EPB41: variants seen among roughly 807,000 people sequenced by gnomAD.
The protein encoded by EPB41 is erythrocyte membrane protein band 4.1.
A neutral mutation model predicts 108.0 loss-of-function variants in EPB41; 65 were observed. That is an observed-to-expected ratio of 0.60 (90% CI 0.49 to 0.74). The LOEUF is 0.74. EPB41 is among the 30% of genes least tolerant of loss of function. The pLI, the probability that EPB41 is intolerant of heterozygous loss-of-function variation, is 0.00. For missense variants in EPB41, 875 were observed against 1,037.0 expected (o/e 0.84, Z 2.15); for synonymous variants, 336 against 358.9 (o/e 0.94, Z 0.72).
chr1:29,053,081 T>C, intron 11 of EPB41, 23 bp from the exon 12 acceptor site: 1 of 1,612,594 alleles, frequency 6.2e-7, no homozygotes, highest in Non-Finnish European at 8.5e-7. Context: ...TACTTATGCT[T>C]CCCTTTTCCC....
chr1:29,116,331 T>A (rs1670947179), intron 20 of EPB41, among the ~76,000 whole-genome samples: 1 of 152,020 alleles, frequency 6.6e-6, no homozygotes, highest in South Asian at 2.1e-4. Context: ...GTATTTTTAG[T>A]AGAGACGGGG....
At chr1:28,949,317 A>G (rs1284749819) in intron 1 of EPB41, among the ~76,000 whole-genome samples, 1 of 152,036 alleles carries the variant, frequency 6.6e-6, no homozygotes, top group African/African-American at 2.4e-5. Context: ...TGTGGTGTGC[A>G]CCTGTAGTTC....
At chr1:28,893,064 A>C (rs1189406493) in intron 1 of EPB41, among the ~76,000 whole-genome samples, 1 of 152,024 alleles carries the variant, frequency 6.6e-6, no homozygotes, top group Non-Finnish European at 1.5e-5. Context: ...GGCCTCCCAA[A>C]GTGCTGGGAT....
intron 7 of EPB41, among the ~76,000 whole-genome samples, chr1:29,019,816 G>C (rs943542732): frequency 2.4e-4 from 36 of 152,120 alleles, no homozygotes; most frequent in Admixed American, 3.3e-4. Context: ...TGCCCCTGTA[G>C]GTTCAGGTAC....
intron 4 of EPB41, among the ~76,000 whole-genome samples, chr1:29,009,141 T>C (rs1259683775): frequency 6.9e-6 from 1 of 144,880 alleles, no homozygotes; most frequent in African/African-American, 2.6e-5. Flanking sequence ...TTTTTAATCC[T>C]TCTTTTTTTT....
chr1:29,022,388 A>AAG (rs953808173), intron 7 of EPB41, among the ~76,000 whole-genome samples: 1 of 151,414 alleles, frequency 6.6e-6, no homozygotes, highest in African/African-American at 2.4e-5. Context: ...AAAAAAAAAA[A>AAG]AAAGAAACTG....
chr1:28,931,786 G>A (rs955820770), intron 1 of EPB41, among the ~76,000 whole-genome samples: 4 of 151,644 alleles, frequency 2.6e-5, no homozygotes, highest in Admixed American at 1.3e-4. Flanking sequence ...CACTCGCCTC[G>A]GCCTCCCAAA....
At chr1:29,103,906 A>G (rs1372470658) in intron 17 of EPB41, among the ~76,000 whole-genome samples, 2 of 152,116 alleles carry the variant, frequency 1.3e-5, no homozygotes, top group African/African-American at 4.8e-5. Flanking sequence ...ATCTCAGGTG[A>G]TCTGCCCGCC....
chr1:29,059,842 T>C (rs1214471817), intron 14 of EPB41, among the ~76,000 whole-genome samples: 2 of 152,216 alleles, frequency 1.3e-5, no homozygotes, highest in African/African-American at 4.8e-5. Context: ...CTGTGCCTCA[T>C]TCTTTTCATC....
chr1:28,955,794 A>G (rs1041379799), intron 1 of EPB41, among the ~76,000 whole-genome samples: 1 of 152,176 alleles, frequency 6.6e-6, no homozygotes, highest in African/African-American at 2.4e-5. Context: ...AAGGGAATGG[A>G]GAATAGGATC....
chr1:29,106,890 A>G (rs1222108326), intron 17 of EPB41, among the ~76,000 whole-genome samples: 2 of 148,946 alleles, frequency 1.3e-5, no homozygotes, highest in Non-Finnish European at 3.0e-5. Flanking sequence ...GCTTTTATAA[A>G]TGAGAAAACT....
intron 4 of EPB41, among the ~76,000 whole-genome samples, chr1:29,011,642 C>T (rs1469485839): frequency 6.6e-6 from 1 of 152,204 alleles, no homozygotes; most frequent in Non-Finnish European, 1.5e-5. Flanking sequence ...TTCCTAAAGT[C>T]ACTCAGCCAG....
At chr1:28,951,803 GTGATTGTGCCATTGTACTGCAGCC>G (rs1200317810) in intron 1 of EPB41, among the ~76,000 whole-genome samples, 2 of 152,106 alleles carry the variant, frequency 1.3e-5, no homozygotes, top group Non-Finnish European at 2.9e-5. Context: ...GCAGTGAGCT[GTGATTGTGCCATTGTACTGCAGCC>G]TGATTGTGCC....
In EPB41 at chr1:28,970,951, G is replaced by C. The variant is rs931784404; in HGVS notation, c.-7-16480G>C. Among the ~76,000 whole-genome samples, 80 of 151,926 alleles carry C rather than the reference G, an allele frequency of 5.3e-4. 2 individuals carry two copies. On this transcript the variant is annotated intron_variant, in intron 1 of 20. Coordinates refer to ENST00000343067, the MANE Select transcript of EPB41 (RefSeq NM_001376013.1). ...CAGCCTCCACCTCCCAGGTTCAGAC[G>C]ATTCTCCTGTCTCAGCCTCCTGAGT...
At chr1:29,035,075 A>G (rs1638948352) in intron 9 of EPB41, among the ~76,000 whole-genome samples, 1 of 144,132 alleles carries the variant, frequency 6.9e-6, no homozygotes, top group African/African-American at 2.6e-5. Flanking sequence ...TCTACCTCTC[A>G]GGTTCAAGTG....
At chr1:28,969,492 G>A (rs190115239) in intron 1 of EPB41, among the ~76,000 whole-genome samples, 58 of 152,172 alleles carry the variant, frequency 3.8e-4, no homozygotes, top group South Asian at 8.3e-4. Flanking sequence ...TTAGCCGGGC[G>A]CAGTGGCTCA....
At chr1:29,068,995 C>T (rs1487282209) in intron 16 of EPB41, among the ~76,000 whole-genome samples, 1 of 152,206 alleles carries the variant, frequency 6.6e-6, no homozygotes, top group Non-Finnish European at 1.5e-5. Flanking sequence ...TATTTCGGCG[C>T]ATGGCTGGTT....
At chr1:29,019,715 T>C (rs2096620003) in intron 7 of EPB41, among the ~76,000 whole-genome samples, 1 of 152,172 alleles carries the variant, frequency 6.6e-6, no homozygotes, top group Non-Finnish European at 1.5e-5. Flanking sequence ...CATCTTGTTC[T>C]CCTTGGGGTA....
At chr1:28,906,808 C>T (rs1458944435) in intron 1 of EPB41, among the ~76,000 whole-genome samples, 3 of 150,310 alleles carry the variant, frequency 2.0e-5, no homozygotes, top group Admixed American at 6.7e-5. Flanking sequence ...CGGAGTCTCG[C>T]TCTGTTGCCC....
Sources: gnomAD v4.1 joint callset for allele counts (sites outside exome capture counted in the v4.1 genomes callset) on GRCh38, gnomAD v4.1.1 for gene constraint, MANE v1.5 for transcripts, NCBI Gene and HGNC (gene_info 2026-07-23, HGNC 2026-07-21) for gene names.